Variants in ACLY observed in about 807,000 individuals in gnomAD.
ACLY encodes ATP citrate lyase, also known as ATP-citrate synthase.
In ACLY, 41 loss-of-function variants were observed where a neutral mutation model predicts 133.0. The observed-to-expected ratio is 0.31, with a 90% CI of 0.24 to 0.40. ACLY has a LOEUF of 0.40. Ranked by LOEUF, ACLY falls within the 10% of genes least tolerant of loss-of-function variation. The pLI is 1.00. For missense variants in ACLY, 1,046 were observed against 1,453.8 expected (o/e 0.72, Z 4.56); for synonymous variants, 495 against 549.3 (o/e 0.90, Z 1.38).
At chr17:41,869,738 T>C (rs2144193100) in intron 25 of ACLY, 151 bp from the exon 26 acceptor site, 1 of 616,234 alleles carries the variant, frequency 1.6e-6, no homozygotes, top group East Asian at 2.7e-5. Context: ...GCACCAATTG[T>C]GCTAATGCCA....
At chr17:41,924,105 G>C (rs770074624) in intron 1 of ACLY, among the ~76,000 whole-genome samples, 172 of 151,540 alleles carry the variant, frequency 1.1e-3, no homozygotes, top group Non-Finnish European at 8.4e-4. Context: ...CACCACGCCC[G>C]GCCCAGTTCT....
chr17:41,909,458 T>C, intron 5 of ACLY, 52 bp downstream of exon 5: 3 of 1,582,476 alleles, frequency 1.9e-6, no homozygotes, highest in Non-Finnish European at 2.6e-6. Flanking sequence ...GCCCAGAGCC[T>C]GTCGGTCTTC....
At chr17:41,894,086 GAC>G (rs797025775) in intron 14 of ACLY, among the ~76,000 whole-genome samples, 14 of 151,864 alleles carry the variant, frequency 9.2e-5, no homozygotes, top group African/African-American at 2.9e-4. Flanking sequence ...TGGTGGGGTG[GAC>G]ACCTGTAATC....
At chr17:41,872,961 T>C (rs2048635797) in intron 23 of ACLY, among the ~76,000 whole-genome samples, 1 of 152,176 alleles carries the variant, frequency 6.6e-6, no homozygotes, top group African/African-American at 2.4e-5. Context: ...CCCATCTCTC[T>C]GCAGGTGAGG....
rs546061459 is a variant in ACLY, at chr17:41,867,366, A to G, written c.*444T>C. The G allele has an allele frequency of 6.8e-6, 1 of 147,638 alleles. No individual in the cohort carries two copies. The highest frequency in any genetic ancestry group is 2.0e-4 in the East Asian group (1 of 5,118). 9.1% of individuals were successfully genotyped at this position (147,638 alleles called of 1,614,324 possible). A position where few individuals can be genotyped will look rare whatever the true frequency, so the allele number is the denominator to read the frequency against. On this transcript the variant is annotated 3_prime_UTR_variant, in exon 29 of 29. Coordinates refer to ENST00000352035, the MANE Select transcript of ACLY (RefSeq NM_001096.3). ...ATATAAGGAAGAAGAAAGGGAAGTA[A>G]AAAAAAAAAAAGAGAGACATTGGGG...
At chr17:41,913,963 G>A in intron 1 of ACLY, 67 bp from the exon 2 acceptor site, 2 of 1,483,500 alleles carry the variant, frequency 1.3e-6, no homozygotes, top group Non-Finnish European at 1.8e-6. Context: ...CCCCAGCAGG[G>A]CAGACCCACT....
rs12942132 is a variant in ACLY, at chr17:41,892,930, C to T, written c.1601+103G>A. Reference sequence around the variant, plus strand: ...CTGGGCTCAAGCAGTTCTCCCACCTCGACCTCCCAAAGCGCTAGGATTACA... The same window carrying T: ...CTGGGCTCAAGCAGTTCTCCCACCTTGACCTCCCAAAGCGCTAGGATTACA... On this transcript the variant is annotated intron_variant, in intron 15 of 28. Coordinates refer to ENST00000352035, the MANE Select transcript of ACLY (RefSeq NM_001096.3). 0.012 allele frequency: 16,851 copies of T among 1,439,156 alleles called. 1,566 individuals are homozygous for T. The African/African-American group carries it at 0.2, about 17-fold the overall frequency. The allele number at this position is 1,439,156 out of a possible 1,614,324, so 89.1% of individuals were successfully genotyped here. A position where few individuals can be genotyped will look rare whatever the true frequency, so the allele number is the denominator to read the frequency against.
intron 1 of ACLY, among the ~76,000 whole-genome samples, chr17:41,915,721 A>AC (rs1375226912): frequency 6.6e-6 from 1 of 150,712 alleles, no homozygotes; most frequent in Non-Finnish European, 1.5e-5. Context: ...ACGGTCCTCC[A>AC]CCCCCCACCC....
chr17:41,912,045 C>T (rs1171974103), intron 3 of ACLY, among the ~76,000 whole-genome samples: 1 of 148,212 alleles, frequency 6.7e-6, no homozygotes, highest in Non-Finnish European at 1.5e-5. Flanking sequence ...ACCCAGGAGG[C>T]GGAGGTTGCA....
intron 1 of ACLY, among the ~76,000 whole-genome samples, chr17:41,915,037 G>A (rs1322520197): frequency 3.3e-5 from 5 of 152,014 alleles, no homozygotes; most frequent in Non-Finnish European, 5.9e-5. Context: ...CCCAAGACTC[G>A]AACCCAAACC....
At chr17:41,868,919 T>C in intron 27 of ACLY, 124 bp downstream of exon 27, 1 of 1,364,688 alleles carries the variant, frequency 7.3e-7, no homozygotes, top group Non-Finnish European at 1.0e-6. Flanking sequence ...AATTTTTGTT[T>C]TCTTCTTTAT....
In ACLY at chr17:41,873,520, C is replaced by G. The variant is rs547186517; in HGVS notation, c.2642+291G>C. Among the ~76,000 whole-genome samples the G allele has an allele frequency of 2.0e-5, 3 of 152,280 alleles. No homozygotes were observed. The South Asian group carries it at 6.2e-4, about 32-fold the overall frequency. On this transcript the variant is annotated intron_variant, in intron 23 of 28. Transcript: ENST00000352035. ...TATCTGTTCAGCAGCTCCACCAGGC[C>G]CACACTCCTTAGGCCACCACATCTT...
At chr17:41,919,527 A>C (rs2050148945), upstream of ACLY, among the ~76,000 whole-genome samples, 1 of 152,202 alleles carries the variant, frequency 6.6e-6, no homozygotes, top group African/African-American at 2.4e-5. Flanking sequence ...CGATGAGGCA[A>C]GGCTGAGCCG....
In ACLY at chr17:41,913,712, C is replaced by T; in HGVS notation, c.159+3G>A. 3.1e-6 allele frequency: 5 copies of T among 1,613,738 alleles called. No individual in the cohort carries two copies. Among genetic ancestry groups the T allele is most frequent in the Non-Finnish European group, 2.5e-6 (3 of 1,179,856 alleles). ...AAAGGCCCAAAGTGGAGGCAGGGCT[C>T]ACCTGGCTGAGCAGCCAGGGGTGGT... On this transcript the variant is annotated splice_donor_region_variant and intron_variant, in intron 2 of 28. Coordinates refer to ENST00000352035, the MANE Select transcript of ACLY (RefSeq NM_001096.3).
intron 10 of ACLY, 45 bp downstream of exon 10, chr17:41,904,684 C>G: frequency 6.3e-7 from 1 of 1,593,312 alleles, no homozygotes; most frequent in Non-Finnish European, 8.6e-7. Context: ...CCTGCTTTCC[C>G]CAAACCACTT....
At chr17:41,929,369 C>A (rs1427350686) in intron 1 of ACLY, among the ~76,000 whole-genome samples, 1 of 152,176 alleles carries the variant, frequency 6.6e-6, no homozygotes, top group Non-Finnish European at 1.5e-5. Context: ...ACTGGGATTA[C>A]AGGCATGAGC....
chr17:41,909,710 G>A lies in ACLY; in HGVS notation c.346-10C>T, dbSNP rs782575761. 6.2e-7 allele frequency: 1 copy of A among 1,613,394 alleles called. No homozygotes were observed. Among genetic ancestry groups the A allele is most frequent in the East Asian group, 2.2e-5 (1 of 44,890 alleles). On this transcript the variant is annotated splice_polypyrimidine_tract_variant and intron_variant, in intron 4 of 28. Coordinates refer to ENST00000352035, the MANE Select transcript of ACLY (RefSeq NM_001096.3). ...CATAGAACTCCTCAGCCTTGCAGGT[G>A]AAGAGACAGGACAGTGGGATTGGGG...
rs543664695 is a variant in ACLY, at chr17:41,886,393, A to C, written c.1876-85T>G. On this transcript the variant is annotated intron_variant, in intron 17 of 28. Coordinates refer to ENST00000352035, the MANE Select transcript of ACLY (RefSeq NM_001096.3). ...TCACAAAGCCCCTGCATTACTGCCCAGCCCCTTCTGGCCAGGCTGGGGAGA... is the reference window on the plus strand; with the variant it reads ...TCACAAAGCCCCTGCATTACTGCCCCGCCCCTTCTGGCCAGGCTGGGGAGA... 5 of 1,367,738 alleles carry C rather than the reference A, an allele frequency of 3.7e-6. No individual in the cohort carries two copies. The South Asian group carries it at 6.9e-5, about 19-fold the overall frequency. 84.7% of individuals were successfully genotyped at this position (1,367,738 alleles called of 1,614,324 possible). A position where few individuals can be genotyped will look rare whatever the true frequency, so the allele number is the denominator to read the frequency against.
chr17:41,907,702 G>A (rs2049764311), intron 6 of ACLY, 130 bp from the exon 7 acceptor site: 1 of 1,038,944 alleles, frequency 9.6e-7, no homozygotes, highest in Admixed American at 2.7e-5. Context: ...AGCTCAGTAA[G>A]AAACCAGAGA....
Sources: gnomAD v4.1 joint callset for allele counts (sites outside exome capture counted in the v4.1 genomes callset) on GRCh38, gnomAD v4.1.1 for gene constraint, MANE v1.5 for transcripts, NCBI Gene and HGNC (gene_info 2026-07-23, HGNC 2026-07-21) for gene names.